PLPPR2: variants seen among roughly 807,000 people sequenced by gnomAD.
PLPPR2 encodes the protein phospholipid phosphatase related 2.
A neutral mutation model predicts 40.3 loss-of-function variants in PLPPR2; 11 were observed. That is an observed-to-expected ratio of 0.27 (90% CI 0.17 to 0.45). PLPPR2 has a LOEUF of 0.45. Ranked by LOEUF, PLPPR2 falls within the 20% of genes least tolerant of loss-of-function variation. The probability of loss-of-function intolerance (pLI) is 1.00; values close to 1 mark genes in which losing one functional copy is unlikely to be tolerated. For synonymous variants in PLPPR2, 260 were observed against 290.8 expected (o/e 0.89, Z 1.08); for missense variants, 497 against 640.7 (o/e 0.78, Z 2.42).
Position 11,364,695 on chromosome 19 carries a change from C to T in PLPPR2, c.*5C>T, listed in dbSNP as rs774410131. 2.7e-5 allele frequency: 41 copies of T among 1,537,032 alleles called. No individual in the cohort carries two copies. Among genetic ancestry groups the T allele is most frequent in the East Asian group, 7.3e-5 (3 of 40,912 alleles). ...AGCCGTGACCACCTGCTGTGAGGCC[C>T]GACCACCCACCCAGAATCTGCCCAG... On this transcript the variant is annotated 3_prime_UTR_variant, in exon 10 of 10. Transcript: ENST00000688289. This position sits in a 1 kb window ranked among gnomAD's most constrained non-coding sequence, Gnocchi z 5.8.
Position 11,363,571 on chromosome 19 carries a change from A to G in PLPPR2, c.841-142A>G. ...CACCTACCTCAGTAAAATGGAACCA[A>G]CAGTGCCTGGCACATACTATGCATT... On this transcript the variant is annotated intron_variant, in intron 7 of 9. Coordinates refer to ENST00000688289, the MANE Select transcript of PLPPR2 (RefSeq NM_001393892.1). The surrounding 1 kb of genome is among the most constrained non-coding windows in gnomAD (Gnocchi z 4.8). 5.3e-6 allele frequency: 5 copies of G among 938,108 alleles called. No individual in the cohort carries two copies. The highest frequency in any genetic ancestry group is 3.3e-5 in the Admixed American group (1 of 30,592). The allele number at this position is 938,108 out of a possible 1,614,324, so 58.1% of individuals were successfully genotyped here.
chr19:11,357,537 C>T (rs953679381), intron 2 of PLPPR2, 123 bp from the exon 3 acceptor site: 4 of 597,342 alleles, frequency 6.7e-6, no homozygotes, highest in East Asian at 6.3e-5. Context: ...GTCAGGGCCT[C>T]CCCGGGTCTT....
At chr19:11,356,131 C>T (rs1045026212) in intron 1 of PLPPR2, among the ~76,000 whole-genome samples, 1 of 151,724 alleles carries the variant, frequency 6.6e-6, no homozygotes, top group Admixed American at 6.6e-5. Context: ...GTGCACCTTT[C>T]TTGTGTGGCA....
At position 11,364,072 on chromosome 19, in the gene PLPPR2, TG is replaced by T; in HGVS notation, c.964-85del. On this transcript the variant is annotated intron_variant, in intron 8 of 9. Transcript: ENST00000688289. This position sits in a 1 kb window ranked among gnomAD's most constrained non-coding sequence, Gnocchi z 5.8. ...ATGAGAACTGTGGTTGTCTTTTCCA[TG>T]GGGCTCTTCACCTGATGAGCTCCTT... 1 of 1,488,008 alleles carries T rather than the reference TG, an allele frequency of 6.7e-7. No homozygotes were observed. Among genetic ancestry groups the T allele is most frequent in the Non-Finnish European group, 9.1e-7 (1 of 1,099,906 alleles). The allele number at this position is 1,488,008 out of a possible 1,614,324, so 92.2% of individuals were successfully genotyped here.
Position 11,362,565 on chromosome 19 carries a change from C to G in PLPPR2, c.716C>G (p.Ser239Trp), listed in dbSNP as rs768637727. ...AAGGGCTCCCGCCTGGTCAAACCCTCGCTCTGCCTGGCCTTGCTGTGCCCG... is the reference window on the plus strand; with the variant it reads ...AAGGGCTCCCGCCTGGTCAAACCCTGGCTCTGCCTGGCCTTGCTGTGCCCG... ...RVKGSRLVKPSLCLALLCPAF... is the reference protein window; with the variant it reads ...RVKGSRLVKPWLCLALLCPAF... Residue 239 changes from serine (S) to tryptophan (W), a missense_variant, in exon 7 of 10, where the codon TCG (serine) becomes TGG (tryptophan). Ser to Trp is a radical substitution (Grantham distance 177). Coordinates refer to ENST00000688289, the MANE Select transcript of PLPPR2 (RefSeq NM_001393892.1). This position sits in a 1 kb window ranked among gnomAD's most constrained non-coding sequence, Gnocchi z 5.3. The G allele has an allele frequency of 6.2e-7, 1 of 1,612,630 alleles. No individual in the cohort carries two copies. The highest frequency in any genetic ancestry group is 1.6e-4 in the Middle Eastern group (1 of 6,062).
intron 3 of PLPPR2, among the ~76,000 whole-genome samples, chr19:11,358,007 T>C (rs889642958): frequency 1.4e-4 from 21 of 150,676 alleles, no homozygotes; most frequent in Admixed American, 7.3e-4. Flanking sequence ...ATCACCAGAG[T>C]CCCAACTCAT....
At chr19:11,358,046 TGTGTGTGTGTGTGTGTAC>T (rs1486626433) in intron 3 of PLPPR2, among the ~76,000 whole-genome samples, 2 of 69,156 alleles carry the variant, frequency 2.9e-5, no homozygotes, top group African/African-American at 1.2e-4. Flanking sequence ...TGTGTGTGTG[TGTGTGTGTGTGTGTGTAC>T]GTGTGTTTGA....
chr19:11,355,634 G>A lies in PLPPR2; in HGVS notation c.-190+62G>A, dbSNP rs1313615546. On this transcript the variant is annotated intron_variant, in intron 1 of 9. Coordinates refer to ENST00000688289, the MANE Select transcript of PLPPR2 (RefSeq NM_001393892.1). ...CCGTGGGCTTCCCACCCCCGGTGTCGGTCTCCGGTTCCTGAGGGTTGGGTC... is the reference window on the plus strand; with the variant it reads ...CCGTGGGCTTCCCACCCCCGGTGTCAGTCTCCGGTTCCTGAGGGTTGGGTC... 4 of 152,132 alleles carry A rather than the reference G, an allele frequency of 2.6e-5. No individual in the cohort carries two copies. The East Asian group carries it at 7.7e-4, about 29-fold the overall frequency. 9.4% of individuals were successfully genotyped at this position (152,132 alleles called of 1,614,324 possible). A position where few individuals can be genotyped will look rare whatever the true frequency, so the allele number is the denominator to read the frequency against.
rs768287239 is a variant in PLPPR2, at chr19:11,363,758, C to G, written c.886C>G (p.Arg296Gly). Residue 296 changes from arginine (R) to glycine (G), a missense_variant, in exon 8 of 10, where the codon CGA becomes GGA. Arg to Gly is a moderately radical substitution (Grantham distance 125). Transcript: ENST00000688289. The surrounding 1 kb of genome is among the most constrained non-coding windows in gnomAD (Gnocchi z 4.8). The part of the protein sequence containing the change: ...HNFQSRPPSG[R>G]RLSPWEDLGQ... ...CTTTCAGAGCCGGCCACCCTCTGGC[C>G]GAAGGCTCTCTCCCTGGGAGGACCT... 1 of 1,614,180 alleles carries G rather than the reference C, an allele frequency of 6.2e-7. No individual in the cohort carries two copies. Among genetic ancestry groups the G allele is most frequent in the Middle Eastern group, 1.7e-4 (1 of 6,060 alleles).
In PLPPR2 at chr19:11,363,429, G is replaced by A. The variant is rs1968105335; in HGVS notation, c.841-284G>A. Among the ~76,000 whole-genome samples the A allele has an allele frequency of 6.6e-6, 1 of 152,104 alleles. No individual in the cohort carries two copies. Among genetic ancestry groups the A allele is most frequent in the South Asian group, 2.1e-4 (1 of 4,830 alleles). Reference sequence around the variant, plus strand: ...TGCACCACTGCACTCCAGCCTGGGTGACAGAGTGAGACTGTCTCAAAAAAA... The same window carrying A: ...TGCACCACTGCACTCCAGCCTGGGTAACAGAGTGAGACTGTCTCAAAAAAA... On this transcript the variant is annotated intron_variant, in intron 7 of 9. Transcript: ENST00000688289. This position sits in a 1 kb window ranked among gnomAD's most constrained non-coding sequence, Gnocchi z 4.8.
Position 11,361,531 on chromosome 19 carries a change from T to C in PLPPR2, c.663+43T>C, listed in dbSNP as rs200586070. On this transcript the variant is annotated intron_variant, in intron 6 of 9. Coordinates refer to ENST00000688289, the MANE Select transcript of PLPPR2 (RefSeq NM_001393892.1). The surrounding 1 kb of genome is among the most constrained non-coding windows in gnomAD (Gnocchi z 6.3). Reference sequence around the variant, plus strand: ...CGGGGTCGGAAATGGGTGTGCAGGCTGGACAGCGACCAGCAGCTAGGAAGC... The same window carrying C: ...CGGGGTCGGAAATGGGTGTGCAGGCCGGACAGCGACCAGCAGCTAGGAAGC... 8.6e-5 allele frequency: 134 copies of C among 1,554,326 alleles called. No homozygotes were observed. The highest frequency in any genetic ancestry group is 1.1e-4 in the Non-Finnish European group (124 of 1,153,936).
In PLPPR2 at chr19:11,364,060, T is replaced by C. The variant is rs1968123095; in HGVS notation, c.964-101T>C. 1 of 1,460,556 alleles carries C rather than the reference T, an allele frequency of 6.8e-7. No individual in the cohort carries two copies. Among genetic ancestry groups the C allele is most frequent in the South Asian group, 1.3e-5 (1 of 75,356 alleles). The allele number at this position is 1,460,556 out of a possible 1,614,324, so 90.5% of individuals were successfully genotyped here. On this transcript the variant is annotated intron_variant, in intron 8 of 9. Transcript: ENST00000688289. This position sits in a 1 kb window ranked among gnomAD's most constrained non-coding sequence, Gnocchi z 5.8. ...ACACGGTTAATCATGAGAACTGTGG[T>C]TGTCTTTTCCATGGGGCTCTTCACC...
chr19:11,364,152 TTGTC>T lies in PLPPR2; in HGVS notation c.964-7_964-4del. 1 of 1,610,030 alleles carries T rather than the reference TTGTC, an allele frequency of 6.2e-7. No individual in the cohort carries two copies. The highest frequency in any genetic ancestry group is 8.5e-7 in the Non-Finnish European group (1 of 1,177,424). On this transcript the variant is annotated splice_region_variant and splice_polypyrimidine_tract_variant and intron_variant, in intron 8 of 9. Transcript: ENST00000688289. This position sits in a 1 kb window ranked among gnomAD's most constrained non-coding sequence, Gnocchi z 5.8. ...CCACTAGCCCCTTCCGTCTGTCTCT[TTGTC>T]TCAGGAACCCGAGGTCTGCAGGCCG...
Position 11,364,329 on chromosome 19 carries a change from C to T in PLPPR2, c.1016-18C>T. On this transcript the variant is annotated intron_variant, in intron 9 of 9. Transcript: ENST00000688289. The surrounding 1 kb of genome is among the most constrained non-coding windows in gnomAD (Gnocchi z 5.8). ...CCCGAGTTTTCTGATCCCCTGATAT[C>T]TGGCTTCTGACCACCAGAGTCGCAG... The T allele has an allele frequency of 6.6e-7, 1 of 1,519,882 alleles. No individual in the cohort carries two copies. The highest frequency in any genetic ancestry group is 8.8e-7 in the Non-Finnish European group (1 of 1,133,978). The allele number at this position is 1,519,882 out of a possible 1,614,324, so 94.1% of individuals were successfully genotyped here.
Position 11,359,929 on chromosome 19 carries a change from C to A in PLPPR2, c.364C>A (p.Pro122Thr). The A allele has an allele frequency of 6.2e-7, 1 of 1,611,560 alleles. No homozygotes were observed. The highest frequency in any genetic ancestry group is 8.5e-7 in the Non-Finnish European group (1 of 1,178,728). ...VSGACCRFSP[P>T]VRRLVRFLGV... ...TGGGGCCTGCTGCCGCTTCAGCCCC[C>A]CAGTGCGGAGGCTGGTCCGCTTCCT... The change falls in exon 5 of 10, where the codon CCA becomes ACA. Residue 122 changes from proline (P) to threonine (T), a missense_variant. By Grantham distance (38) the Pro-to-Thr change is conservative. Transcript: ENST00000688289. This position sits in a 1 kb window ranked among gnomAD's most constrained non-coding sequence, Gnocchi z 5.6.
At position 11,364,522 on chromosome 19, in the gene PLPPR2, C is replaced by A; in HGVS notation, c.1191C>A (p.Ser397=). The A allele has an allele frequency of 6.5e-7, 1 of 1,533,304 alleles. No homozygotes were observed. The highest frequency in any genetic ancestry group is 8.7e-7 in the Non-Finnish European group (1 of 1,144,710). 95.0% of individuals were successfully genotyped at this position (1,533,304 alleles called of 1,614,324 possible). A position where few individuals can be genotyped will look rare whatever the true frequency, so the allele number is the denominator to read the frequency against. The change falls in exon 10 of 10, where the codon TCC becomes TCA. Residue 397 remains serine, a synonymous_variant. Coordinates refer to ENST00000688289, the MANE Select transcript of PLPPR2 (RefSeq NM_001393892.1). This position sits in a 1 kb window ranked among gnomAD's most constrained non-coding sequence, Gnocchi z 5.8. ...APTPSQGPSP[S]SPGPGGPGGG... ...CCCCCAGCCAGGGCCCCTCGCCTTC[C>A]TCCCCTGGACCTGGGGGGCCAGGCG... is the stretch of plus-strand genomic sequence containing the variant.
Position 11,363,698 on chromosome 19 carries a change from C to T in PLPPR2, c.841-15C>T, listed in dbSNP as rs1568322774. 1 of 1,607,492 alleles carries T rather than the reference C, an allele frequency of 6.2e-7. No homozygotes were observed. The highest frequency in any genetic ancestry group is 8.5e-7 in the Non-Finnish European group (1 of 1,174,932). On this transcript the variant is annotated splice_polypyrimidine_tract_variant and intron_variant, in intron 7 of 9. Transcript: ENST00000688289. This position sits in a 1 kb window ranked among gnomAD's most constrained non-coding sequence, Gnocchi z 4.8. ...TTGCCCCAGGCCTCAACACTCTCCT[C>T]TCCCTCTATTCCAGGTCACCTGCGT...
At position 11,359,352 on chromosome 19, in the gene PLPPR2, ACCT is replaced by A. The variant is rs1437061245; in HGVS notation, c.67-176_67-174del. 48 of 513,352 alleles carry A rather than the reference ACCT, an allele frequency of 9.4e-5. No individual in the cohort carries two copies. In the South Asian group the frequency reaches 1.4e-3, roughly 15 times the overall value. 31.8% of individuals were successfully genotyped at this position (513,352 alleles called of 1,614,324 possible). A position where few individuals can be genotyped will look rare whatever the true frequency, so the allele number is the denominator to read the frequency against. Reference sequence around the variant, plus strand: ...TCTCCTAAGCCCTGACCCTTCTCTCACCTCCTTTCCCCATTTCTCTCAGTCTCT... The same window carrying A: ...TCTCCTAAGCCCTGACCCTTCTCTCACCTTTCCCCATTTCTCTCAGTCTCT... On this transcript the variant is annotated intron_variant, in intron 3 of 9. Coordinates refer to ENST00000688289, the MANE Select transcript of PLPPR2 (RefSeq NM_001393892.1). The surrounding 1 kb of genome is among the most constrained non-coding windows in gnomAD (Gnocchi z 5.6).
chr19:11,360,063 T>C, intron 5 of PLPPR2, 107 bp downstream of exon 5: 6 of 1,408,882 alleles, frequency 4.3e-6, no homozygotes, highest in Non-Finnish European at 5.6e-6. Flanking sequence ...CTGGGTGTGG[T>C]GGCTCACGCC....
Sources: gnomAD v4.1 joint callset for allele counts (sites outside exome capture counted in the v4.1 genomes callset) on GRCh38, gnomAD v4.1.1 for gene constraint, Gnocchi (gnomAD v3.1) non-coding constraint, MANE v1.5 for transcripts, NCBI Gene and HGNC (gene_info 2026-07-23, HGNC 2026-07-21) for gene names.